OR8G1: variants seen among roughly 807,000 people sequenced by gnomAD.
OR8G1 encodes olfactory receptor family 8 subfamily G member 1, also known as olfactory receptor 8G1.
For missense variants in OR8G1, 372 were observed against 356.2 expected, an observed-to-expected ratio of 1.04 and a Z score of -0.36; for synonymous variants, 129 against 133.3, an observed-to-expected ratio of 0.97 and a Z score of 0.22.
rs995669156 is a variant in OR8G1 at position 124,249,726 on chromosome 11, C to T, written c.51C>T (p.Leu17=). 5 of 1,613,490 alleles carry T rather than the reference C, an allele frequency of 3.1e-6. No individual in the cohort carries two copies. Among genetic ancestry groups the T allele is most frequent in the Non-Finnish European group, 4.2e-6 (5 of 1,179,758 alleles). Residue 17 remains leucine, a synonymous_variant, in exon 3 of 3, where the codon CTC becomes CTT. Transcript: ENST00000641972. ...SSVTEFILAG[L]SEQPELQLPL... ...TGACTGAGTTCATTCTGGCTGGGCT[C>T]TCAGAACAGCCAGAGCTCCAGCTGC...
At position 124,251,337 on chromosome 11, in the gene OR8G1, GTATA is replaced by G; in HGVS notation, c.*727_*730del. 3.4e-6 allele frequency: 1 copy of G among 295,710 alleles called. No individual in the cohort carries two copies. Among genetic ancestry groups the G allele is most frequent in the Non-Finnish European group, 6.6e-6 (1 of 151,858 alleles). 18.3% of individuals were successfully genotyped at this position (295,710 alleles called of 1,614,324 possible). On this transcript the variant is annotated 3_prime_UTR_variant, in exon 3 of 3. Transcript: ENST00000641972. The stretch of plus-strand genomic sequence containing the variant: ...TTTATTATTTCCTCATTTAAGCTAA[GTATA>G]GGAAAGCCATATGTATGTCATACTT...
rs1482584200 is a variant in OR8G1, at chr11:124,253,627, T to C, written c.*3016T>C. ...GGTGAGAACACTAATCCAATAGATT[T>C]TTATTACTATAGTTACCATTTATAC... On this transcript the variant is annotated 3_prime_UTR_variant, in exon 3 of 3. Coordinates refer to ENST00000641972, the MANE Select transcript of OR8G1 (RefSeq NM_001002905.2). 6.6e-6 allele frequency: 1 copy of C among 150,462 alleles called. No individual in the cohort carries two copies. The highest frequency in any genetic ancestry group is 1.5e-5 in the Non-Finnish European group (1 of 67,640). The allele number at this position is 150,462 out of a possible 1,614,324, so 9.3% of individuals were successfully genotyped here. A position where few individuals can be genotyped will look rare whatever the true frequency, so the allele number is the denominator to read the frequency against.
chr11:124,241,430 A>G (rs1180368539), intron 1 of OR8G1, 66 bp downstream of exon 1: 1 of 152,182 alleles, frequency 6.6e-6, no homozygotes, highest in Non-Finnish European at 1.5e-5. Context: ...TTTGCAAAAA[A>G]TCAGGAAACT....
At position 124,250,002 on chromosome 11, in the gene OR8G1, T is replaced by G. The variant is rs758727916; in HGVS notation, c.327T>G (p.Ile109Met). 1 of 1,613,766 alleles carries G rather than the reference T, an allele frequency of 6.2e-7. No individual in the cohort carries two copies. The highest frequency in any genetic ancestry group is 8.5e-7 in the Non-Finnish European group (1 of 1,179,864). Residue 109 changes from isoleucine (I) to methionine (M), a missense_variant, in exon 3 of 3, where the codon ATT becomes ATG. Coordinates refer to ENST00000641972, the MANE Select transcript of OR8G1 (RefSeq NM_001002905.2). ...TCTACTTCTTCCTCGTTTTTGCTAT[T>G]GCAGAGTGTCACATGTTGGCTGCAA... ...TQLYFFLVFA[I>M]AECHMLAAMA...
intron 1 of OR8G1, among the ~76,000 whole-genome samples, chr11:124,244,924 A>G (rs1455669143): frequency 2.6e-5 from 4 of 151,970 alleles, no homozygotes; most frequent in African/African-American, 4.8e-5. Flanking sequence ...GAGTCTATCC[A>G]TAAGTTTGAG....
At chr11:124,245,398 T>C (rs915494786) in intron 1 of OR8G1, among the ~76,000 whole-genome samples, 3 of 151,356 alleles carry the variant, frequency 2.0e-5, no homozygotes, top group African/African-American at 7.3e-5. Context: ...CCACATTTTC[T>C]TAATCCAGTC....
At chr11:124,247,034 G>A (rs868174489) in intron 1 of OR8G1, among the ~76,000 whole-genome samples, 1 of 151,524 alleles carries the variant, frequency 6.6e-6, no homozygotes, top group African/African-American at 2.4e-5. Flanking sequence ...GGGTTCAGAT[G>A]GAAATTTATA....
Position 124,254,346 on chromosome 11 carries a change from C to T in OR8G1, c.*3735C>T, listed in dbSNP as rs1861891688. Reference sequence around the variant, plus strand: ...TTTTATGTCTTCTTTTGAGAAATGTCTATTTAGATGCTTTGCCTATTTTTA... The same window carrying T: ...TTTTATGTCTTCTTTTGAGAAATGTTTATTTAGATGCTTTGCCTATTTTTA... On this transcript the variant is annotated 3_prime_UTR_variant, in exon 3 of 3. Transcript: ENST00000641972. The T allele has an allele frequency of 6.6e-6, 1 of 150,586 alleles. No individual in the cohort carries two copies. The allele number at this position is 150,586 out of a possible 1,614,324, so 9.3% of individuals were successfully genotyped here.
At chr11:124,249,616 C>G (rs1200726199) in intron 2 of OR8G1, 44 bp from the exon 3 acceptor site, 1 of 1,512,642 alleles carries the variant, frequency 6.6e-7, no homozygotes, top group Non-Finnish European at 8.8e-7. Context: ...AAGTCCCTCC[C>G]ACAACCATGG....
chr11:124,245,905 C>G (rs901039389), intron 1 of OR8G1, among the ~76,000 whole-genome samples: 1 of 149,742 alleles, frequency 6.7e-6, no homozygotes, highest in African/African-American at 2.5e-5. Flanking sequence ...ATTGTAGATT[C>G]TGGATATTAG....
chr11:124,250,818 A>G lies in OR8G1; in HGVS notation c.*207A>G. ...ATGTATCAATGAGACACAAATTAAT[A>G]TAAATACTAAAATCGACATGAGTAC... On this transcript the variant is annotated 3_prime_UTR_variant, in exon 3 of 3. Coordinates refer to ENST00000641972, the MANE Select transcript of OR8G1 (RefSeq NM_001002905.2). 3.7e-6 allele frequency: 1 copy of G among 268,536 alleles called. No individual in the cohort carries two copies. Among genetic ancestry groups the G allele is most frequent in the Non-Finnish European group, 6.3e-6 (1 of 159,052 alleles). The allele number at this position is 268,536 out of a possible 1,614,324, so 16.6% of individuals were successfully genotyped here. A position where few individuals can be genotyped will look rare whatever the true frequency, so the allele number is the denominator to read the frequency against.
At chr11:124,249,199 C>G (rs1032066368) in intron 2 of OR8G1, among the ~76,000 whole-genome samples, 1 of 151,946 alleles carries the variant, frequency 6.6e-6, no homozygotes, top group East Asian at 1.9e-4. Context: ...ATGTATAAAT[C>G]GAGATTTCTT....
Position 124,252,123 on chromosome 11 carries a change from C to T in OR8G1, c.*1512C>T, listed in dbSNP as rs2512242. On this transcript the variant is annotated 3_prime_UTR_variant, in exon 3 of 3. Coordinates refer to ENST00000641972, the MANE Select transcript of OR8G1 (RefSeq NM_001002905.2). ...GAGCCATAGGTTAATAGGACTATTT[C>T]CCGGGAACTCTAAAAACATGGCATG... The T allele has an allele frequency of 0.51, 77,343 of 151,502 alleles. 20,340 individuals are homozygous for T. Among genetic ancestry groups the T allele is most frequent in the South Asian group, 0.7 (3,359 of 4,808 alleles). 9.4% of individuals were successfully genotyped at this position (151,502 alleles called of 1,614,324 possible).
At position 124,250,512 on chromosome 11, in the gene OR8G1, T is replaced by C; in HGVS notation, c.837T>C (p.Thr279=). 1 of 1,613,488 alleles carries C rather than the reference T, an allele frequency of 6.2e-7. No homozygotes were observed. Among genetic ancestry groups the C allele is most frequent in the Non-Finnish European group, 8.5e-7 (1 of 1,179,604 alleles). The change falls in exon 3 of 3, where the codon ACT becomes ACC. Residue 279 remains threonine, a synonymous_variant. Transcript: ENST00000641972. ...DQGKVSSVFY[T]IIVPMLNPLI... is the part of the protein sequence containing the mutation. ...GGAAAGTATCCTCTGTGTTTTATACTATTATTGTGCCCATGTTGAACCCTC... is the reference window on the plus strand; with the variant it reads ...GGAAAGTATCCTCTGTGTTTTATACCATTATTGTGCCCATGTTGAACCCTC...
At chr11:124,248,193 T>C (rs1405220172) in intron 2 of OR8G1, among the ~76,000 whole-genome samples, 1 of 151,990 alleles carries the variant, frequency 6.6e-6, no homozygotes, top group African/African-American at 2.4e-5. Context: ...TTTTCCTGTT[T>C]TTAAAATTTT....
chr11:124,246,301 A>G (rs926674318), intron 1 of OR8G1, among the ~76,000 whole-genome samples: 27 of 151,916 alleles, frequency 1.8e-4, no homozygotes, highest in Non-Finnish European at 2.9e-4. Flanking sequence ...TAGGTATTTG[A>G]TGCTAGCTTA....
intron 1 of OR8G1, among the ~76,000 whole-genome samples, chr11:124,246,272 A>G (rs1861809723): frequency 1.3e-5 from 2 of 151,902 alleles, no homozygotes; most frequent in South Asian, 2.1e-4. Flanking sequence ...CATTGCATGT[A>G]TTTTGTTAAT....
chr11:124,254,075 T>A lies in OR8G1; in HGVS notation c.*3464T>A, dbSNP rs1861888231. On this transcript the variant is annotated 3_prime_UTR_variant, in exon 3 of 3. Transcript: ENST00000641972. Reference sequence around the variant, plus strand: ...TATACCCGATAGTGGTATTGCTAGGTCATATGGTAGTTCAATTTTTAATTT... The same window carrying A: ...TATACCCGATAGTGGTATTGCTAGGACATATGGTAGTTCAATTTTTAATTT... 1 of 152,150 alleles carries A rather than the reference T, an allele frequency of 6.6e-6. No homozygotes were observed. Among genetic ancestry groups the A allele is most frequent in the Non-Finnish European group, 1.5e-5 (1 of 68,008 alleles). The allele number at this position is 152,150 out of a possible 1,614,324, so 9.4% of individuals were successfully genotyped here. A position where few individuals can be genotyped will look rare whatever the true frequency, so the allele number is the denominator to read the frequency against.
rs140530223 is a variant in OR8G1 at position 124,245,091 on chromosome 11, G to C, written c.-96-2710G>C. On this transcript the variant is annotated intron_variant, in intron 1 of 2. Coordinates refer to ENST00000641972, the MANE Select transcript of OR8G1 (RefSeq NM_001002905.2). ...AGGTTAGTTACATATGTATACATGT[G>C]CCATGCTGGTGTGCTGGACCCATTA... Among the ~76,000 whole-genome samples, 1,024 of 151,592 alleles carry C rather than the reference G, an allele frequency of 6.8e-3. 8 individuals are homozygous for C. Among genetic ancestry groups the C allele is most frequent in the African/African-American group, 0.024 (971 of 41,290 alleles).
Sources: allele counts gnomAD v4.1 joint callset (sites outside exome capture counted in the v4.1 genomes callset), GRCh38; gene constraint gnomAD v4.1.1; transcripts MANE v1.5; gene names NCBI Gene and HGNC (gene_info 2026-07-23, HGNC 2026-07-21).